The following CARS2 variants were observed in gnomAD, a reference collection of about 807,000 sequenced individuals.
The protein encoded by CARS2 is probable cysteine--tRNA ligase, mitochondrial.
Under a neutral mutation model 68.8 loss-of-function variants are expected in CARS2, and 52 were observed. The ratio of observed to expected loss-of-function variants is 0.76; its 90% CI spans 0.61 to 0.95. CARS2 has a LOEUF of 0.95. Among genes scored for constraint, CARS2 ranks in the 40% least tolerant of loss-of-function variants. CARS2 has a pLI of 0.00. For missense variants in CARS2, 780 were observed against 754.2 expected (o/e 1.03, Z -0.40); for synonymous variants, 314 against 303.6 (o/e 1.03, Z -0.36).
chr13:110,665,706 T>C lies in CARS2; in HGVS notation c.919+1634A>G, dbSNP rs2062629955. The C allele has an allele frequency of 1.0e-6, 1 of 985,344 alleles. No individual in the cohort carries two copies. The highest frequency in any genetic ancestry group is 1.7e-5 in the African/African-American group (1 of 57,322). The allele number at this position is 985,344 out of a possible 1,614,324, so 61.0% of individuals were successfully genotyped here. On this transcript the variant is annotated intron_variant, in intron 8 of 14. Coordinates refer to ENST00000257347, the MANE Select transcript of CARS2 (RefSeq NM_024537.4). This position sits in a 1 kb window ranked among gnomAD's most constrained non-coding sequence, Gnocchi z 4.3. ...GAGCAACTCCAGCTCCTCAGACAGTTCAGGGAGCGCTGAACTGAGCCCTGA... is the reference window on the plus strand; with the variant it reads ...GAGCAACTCCAGCTCCTCAGACAGTCCAGGGAGCGCTGAACTGAGCCCTGA...
Position 110,704,886 on chromosome 13 carries a change from G to A in CARS2, c.275+635C>T, listed in dbSNP as rs563781085. Among the ~76,000 whole-genome samples the A allele has an allele frequency of 1.1e-3, 171 of 152,090 alleles. 1 individual carries two copies. The highest frequency in any genetic ancestry group is 3.9e-3 in the African/African-American group (162 of 41,454). The stretch of plus-strand genomic sequence containing the variant: ...AAATATTAGGAAAAGTGGTAATTTT[G>A]GCAAATGTAGGAGGCAGTACATCTT... On this transcript the variant is annotated intron_variant, in intron 2 of 14. Transcript: ENST00000257347.
At chr13:110,654,447 G>GT (rs2062308402) in intron 9 of CARS2, among the ~76,000 whole-genome samples, 1 of 152,152 alleles carries the variant, frequency 6.6e-6, no homozygotes, top group Non-Finnish European at 1.5e-5. Flanking sequence ...AATGTGGCAA[G>GT]TATTTTTAAG....
At chr13:110,688,083 C>CA in intron 3 of CARS2, 65 bp from the exon 4 acceptor site, 1 of 1,123,014 alleles carries the variant, frequency 8.9e-7, no homozygotes, top group Non-Finnish European at 1.3e-6. Context: ...CACCCAGCCA[C>CA]AAGAAAGCCC....
chr13:110,676,023 G>T lies in CARS2; in HGVS notation c.785+951C>A, dbSNP rs541653374. Among the ~76,000 whole-genome samples, 13 of 152,360 alleles carry T rather than the reference G, an allele frequency of 8.5e-5. No homozygotes were observed. Among genetic ancestry groups the T allele is most frequent in the Non-Finnish European group, 1.6e-4 (11 of 68,042 alleles). Reference sequence around the variant, plus strand: ...ATACAAAATTAGCCGGGGTGGTGGCGCATGCCAGTAATCCCAGCTACTCAG... The same window carrying T: ...ATACAAAATTAGCCGGGGTGGTGGCTCATGCCAGTAATCCCAGCTACTCAG... On this transcript the variant is annotated intron_variant, in intron 7 of 14. Transcript: ENST00000257347. The surrounding 1 kb of genome is among the most constrained non-coding windows in gnomAD (Gnocchi z 4.0).
chr13:110,663,574 C>T, intron 8 of CARS2, 56 bp from the exon 9 acceptor site: 2 of 1,597,654 alleles, frequency 1.3e-6, no homozygotes, highest in East Asian at 4.5e-5. Flanking sequence ...TCTCTGGCCT[C>T]AGGGACACAT....
In CARS2 at chr13:110,665,940, C is replaced by A; in HGVS notation, c.919+1400G>T. On this transcript the variant is annotated intron_variant, in intron 8 of 14. Coordinates refer to ENST00000257347, the MANE Select transcript of CARS2 (RefSeq NM_024537.4). This position sits in a 1 kb window ranked among gnomAD's most constrained non-coding sequence, Gnocchi z 4.3. ...GTATTTCAGATGTCAAAGTTTGCAT[C>A]TCCAAATCTATCACTACCAAACACT... The A allele has an allele frequency of 1.0e-6, 1 of 985,372 alleles. No individual in the cohort carries two copies. Among genetic ancestry groups the A allele is most frequent in the Non-Finnish European group, 1.2e-6 (1 of 829,912 alleles). The allele number at this position is 985,372 out of a possible 1,614,324, so 61.0% of individuals were successfully genotyped here.
intron 3 of CARS2, among the ~76,000 whole-genome samples, chr13:110,698,722 G>T (rs541228482): frequency 6.6e-6 from 1 of 152,032 alleles, no homozygotes; most frequent in African/African-American, 2.4e-5. Flanking sequence ...AGGGCTTTCC[G>T]GCCAGGTGCA....
chr13:110,669,122 G>A lies in CARS2; in HGVS notation c.786-1649C>T, dbSNP rs531550348. Among the ~76,000 whole-genome samples, 17 of 152,238 alleles carry A rather than the reference G, an allele frequency of 1.1e-4. No homozygotes were observed. The East Asian group carries it at 1.2e-3, about 10-fold the overall frequency. On this transcript the variant is annotated intron_variant, in intron 7 of 14. Coordinates refer to ENST00000257347, the MANE Select transcript of CARS2 (RefSeq NM_024537.4). Reference sequence around the variant, plus strand: ...TTGAGGTCTGAGGAATGACGGAAGCGTTTCCAGATGAGCCGCATAACCACA... The same window carrying A: ...TTGAGGTCTGAGGAATGACGGAAGCATTTCCAGATGAGCCGCATAACCACA...
Position 110,665,915 on chromosome 13 carries a change from G to A in CARS2, c.919+1425C>T. The A allele has an allele frequency of 2.0e-6, 2 of 985,262 alleles. No homozygotes were observed. The highest frequency in any genetic ancestry group is 2.4e-6 in the Non-Finnish European group (2 of 829,870). 61.0% of individuals were successfully genotyped at this position (985,262 alleles called of 1,614,324 possible). A position where few individuals can be genotyped will look rare whatever the true frequency, so the allele number is the denominator to read the frequency against. ...AAAAACTAGTATTTGTTAATTTCCT[G>A]TATTTCAGATGTCAAAGTTTGCATC... On this transcript the variant is annotated intron_variant, in intron 8 of 14. Transcript: ENST00000257347. This position sits in a 1 kb window ranked among gnomAD's most constrained non-coding sequence, Gnocchi z 4.3.
chr13:110,652,325 G>A (rs1467310984), intron 9 of CARS2, among the ~76,000 whole-genome samples: 5 of 152,258 alleles, frequency 3.3e-5, no homozygotes, highest in Non-Finnish European at 7.3e-5. Flanking sequence ...AGAGTGAGCC[G>A]GAAACGGCGG....
At chr13:110,667,081 T>A (rs964686476) in intron 8 of CARS2, among the ~76,000 whole-genome samples, 5 of 152,252 alleles carry the variant, frequency 3.3e-5, no homozygotes, top group African/African-American at 1.2e-4. Flanking sequence ...TTAATAGTTT[T>A]ACTTGAAAGA....
At chr13:110,658,761 A>G (rs2986326) in intron 9 of CARS2, among the ~76,000 whole-genome samples, 42,928 of 151,840 alleles carry the variant, frequency 0.28, 6,762 homozygotes, top group African/African-American at 0.39. Flanking sequence ...TGTCTCTACT[A>G]AACAAAACAA....
At chr13:110,696,921 A>G (rs1566345812) in intron 3 of CARS2, among the ~76,000 whole-genome samples, 4 of 151,772 alleles carry the variant, frequency 2.6e-5, no homozygotes, top group Admixed American at 1.3e-4. Flanking sequence ...CACCTTCCCC[A>G]TCGCCCCCAT....
chr13:110,686,943 C>T (rs529299547), intron 5 of CARS2, among the ~76,000 whole-genome samples: 49 of 151,474 alleles, frequency 3.2e-4, no homozygotes, highest in Non-Finnish European at 3.2e-4. Context: ...GGTGTGATCT[C>T]GGCTCACTGC....
At chr13:110,701,366 G>T in intron 3 of CARS2, 72 bp downstream of exon 3, 1 of 798,450 alleles carries the variant, frequency 1.3e-6, no homozygotes, top group South Asian at 1.4e-5. Context: ...GCCCGGCCAA[G>T]AACCACTTTC....
intron 7 of CARS2, among the ~76,000 whole-genome samples, chr13:110,669,498 A>G (rs1247505063): frequency 6.6e-6 from 1 of 152,148 alleles, no homozygotes; most frequent in Admixed American, 6.5e-5. Flanking sequence ...TGTGTTTCTA[A>G]TTTTTTAAAA....
chr13:110,675,347 G>A (rs1332722968), intron 7 of CARS2, among the ~76,000 whole-genome samples: 19 of 152,184 alleles, frequency 1.2e-4, no homozygotes, highest in Non-Finnish European at 2.8e-4. Context: ...AGAAAATGTG[G>A]CATATATACA....
intron 6 of CARS2, among the ~76,000 whole-genome samples, chr13:110,680,123 T>C (rs1449169335): frequency 3.1e-5 from 4 of 131,096 alleles, no homozygotes; most frequent in Non-Finnish European, 4.8e-5. Context: ...CTCACACCGA[T>C]AACCCCAGTA....
chr13:110,701,344 G>A (rs1566356089), intron 3 of CARS2, 94 bp downstream of exon 3: 8 of 699,484 alleles, frequency 1.1e-5, no homozygotes, highest in East Asian at 2.6e-5. Context: ...GATTACAGGC[G>A]TAAGCTACCA....
Sources: allele counts gnomAD v4.1 joint callset (sites outside exome capture counted in the v4.1 genomes callset), GRCh38; gene constraint gnomAD v4.1.1; non-coding constraint Gnocchi (gnomAD v3.1); transcripts MANE v1.5; gene names NCBI Gene and HGNC (gene_info 2026-07-23, HGNC 2026-07-21).